SMG8: variants seen among roughly 807,000 people sequenced by gnomAD.
SMG8 encodes the protein SMG8 nonsense mediated mRNA decay factor, also known as nonsense-mediated mRNA decay factor SMG8.
SMG8 carries 49 observed loss-of-function variants against 82.1 expected under a neutral mutation model. The observed-to-expected ratio is 0.60, with a 90% CI of 0.47 to 0.76. The LOEUF (loss-of-function observed/expected upper bound fraction) is 0.76, where lower values mean the gene tolerates loss of function less well. SMG8 is among the 30% of genes least tolerant of loss of function. The probability of loss-of-function intolerance (pLI) is 0.00; values close to 1 mark genes in which losing one functional copy is unlikely to be tolerated. For missense variants in SMG8, 969 were observed against 1,166.4 expected (o/e 0.83, Z 2.46); for synonymous variants, 404 against 430.0 (o/e 0.94, Z 0.75).
chr17:59,210,126 G>A lies in SMG8; in HGVS notation c.75G>A (p.Gly25=). 6.3e-7 allele frequency: 1 copy of A among 1,584,952 alleles called. No individual in the cohort carries two copies. The highest frequency in any genetic ancestry group is 8.6e-7 in the Non-Finnish European group (1 of 1,167,782). ...SAWMGSESPG[G]SPTEGGGSAA... ...GGATGGGCTCTGAAAGTCCCGGAGG[G>A]TCCCCTACTGAGGGCGGAGGGAGCG... is the stretch of plus-strand genomic sequence containing the variant. Residue 25 remains glycine, a synonymous_variant, in exon 1 of 4, where the codon GGG becomes GGA. Transcript: ENST00000300917.
chr17:59,213,198 C>G lies in SMG8; in HGVS notation c.2375C>G (p.Thr792Arg). 6.2e-7 allele frequency: 1 copy of G among 1,614,172 alleles called. No individual in the cohort carries two copies. The highest frequency in any genetic ancestry group is 8.5e-7 in the Non-Finnish European group (1 of 1,180,046). The stretch of plus-strand genomic sequence containing the variant: ...GACCAACAGGGCTTTATTCCAGGAA[C>G]AAATTATCTTATGCCTTGGGACATT... ...GLDQQGFIPG[T>R]NYLMPWDIVI... The change falls in exon 3 of 4, where the codon ACA becomes AGA. Residue 792 changes from threonine (T) to arginine (R), a missense_variant. Transcript: ENST00000300917.
chr17:59,212,541 C>G, intron 2 of SMG8, 55 bp downstream of exon 2: 2 of 1,565,240 alleles, frequency 1.3e-6, no homozygotes, highest in Non-Finnish European at 1.7e-6. Flanking sequence ...TAAATATCAT[C>G]TGAGTAAAAA....
chr17:59,212,701 A>C, intron 2 of SMG8, 28 bp from the exon 3 acceptor site: 1 of 1,556,466 alleles, frequency 6.4e-7, no homozygotes, highest in Non-Finnish European at 8.6e-7. Context: ...TGAAAAACTT[A>C]CTGGATTTTT....
intron 2 of SMG8, 35 bp downstream of exon 2, chr17:59,212,521 CT>C (rs1292332992): frequency 4.4e-6 from 7 of 1,578,332 alleles, no homozygotes; most frequent in African/African-American, 4.1e-5. Context: ...CCTCTTCTGT[CT>C]TTTTTTGTTA....
In SMG8 at chr17:59,211,492, A is replaced by G. The variant is rs769986244; in HGVS notation, c.1441A>G (p.Ser481Gly). ...AGAGCTAACATCTAAGATTTTAAGC[A>G]GTATTAAAGTCTTGGAAGGATTTTT... ...TGELTSKILSSIKVLEGFLDI... is the reference protein window; with the variant it reads ...TGELTSKILSGIKVLEGFLDI... Residue 481 changes from serine (S) to glycine (G), a missense_variant, in exon 1 of 4, where the codon AGT becomes GGT. Ser to Gly is a moderately conservative substitution (Grantham distance 56). Coordinates refer to ENST00000300917, the MANE Select transcript of SMG8 (RefSeq NM_018149.7). The G allele has an allele frequency of 1.2e-6, 2 of 1,613,404 alleles. No homozygotes were observed. The highest frequency in any genetic ancestry group is 2.2e-5 in the South Asian group (2 of 90,928).
At chr17:59,212,678 ATAT>A (rs1321289511) in intron 2 of SMG8, 48 bp from the exon 3 acceptor site, 2 of 1,530,670 alleles carry the variant, frequency 1.3e-6, no homozygotes, top group African/African-American at 2.8e-5. Flanking sequence ...AGAATGAAGA[ATAT>A]TATTTAAAAT....
Position 59,213,513 on chromosome 17 carries a change from G to A in SMG8, c.2690G>A (p.Gly897Asp), listed in dbSNP as rs2046954520. Residue 897 changes from glycine to aspartate, a missense_variant, in exon 3 of 4, where the codon GGT becomes GAT. By Grantham distance (94) the Gly-to-Asp change is moderately conservative. Coordinates refer to ENST00000300917, the MANE Select transcript of SMG8 (RefSeq NM_018149.7). ...MPLYILSSSQGRGLKPHYAQL... is the reference protein window; with the variant it reads ...MPLYILSSSQDRGLKPHYAQL... Reference sequence around the variant, plus strand: ...TTATATATTCTGTCATCCTCTCAAGGTAGAGGGCTGAAACCTCATTATGCT... The same window carrying A: ...TTATATATTCTGTCATCCTCTCAAGATAGAGGGCTGAAACCTCATTATGCT... The A allele has an allele frequency of 6.2e-7, 1 of 1,614,172 alleles. No homozygotes were observed. The highest frequency in any genetic ancestry group is 8.5e-7 in the Non-Finnish European group (1 of 1,180,038).
chr17:59,214,301 A>AG (rs2046957921), intron 3 of SMG8, among the ~76,000 whole-genome samples: 2 of 152,274 alleles, frequency 1.3e-5, no homozygotes, highest in East Asian at 1.9e-4. Context: ...GCAAAAAAAA[A>AG]AGTTCTGGGG....
At position 59,212,789 on chromosome 17, in the gene SMG8, A is replaced by C. The variant is rs1264482577; in HGVS notation, c.1966A>C (p.Ser656Arg). The change falls in exon 3 of 4, where the codon AGT becomes CGT. Residue 656 changes from serine (S) to arginine (R), a missense_variant. By Grantham distance (110) the Ser-to-Arg change is moderately radical. Coordinates refer to ENST00000300917, the MANE Select transcript of SMG8 (RefSeq NM_018149.7). ...TATCAATTTCCCAGTATTTGAACCA[A>C]GTACTCCAGATCCTGCTCCTGCTAA... The part of the protein sequence containing the change: ...DHINFPVFEP[S>R]TPDPAPAKNE... 1 of 1,613,908 alleles carries C rather than the reference A, an allele frequency of 6.2e-7. No individual in the cohort carries two copies. Among genetic ancestry groups the C allele is most frequent in the Non-Finnish European group, 8.5e-7 (1 of 1,179,996 alleles).
At position 59,210,798 on chromosome 17, in the gene SMG8, A is replaced by G; in HGVS notation, c.747A>G (p.Pro249=). 6.2e-7 allele frequency: 1 copy of G among 1,614,204 alleles called. No individual in the cohort carries two copies. The highest frequency in any genetic ancestry group is 8.5e-7 in the Non-Finnish European group (1 of 1,180,046). Residue 249 remains proline, a synonymous_variant, in exon 1 of 4, where the codon CCA becomes CCG. Coordinates refer to ENST00000300917, the MANE Select transcript of SMG8 (RefSeq NM_018149.7). ...PLLKTAIKDC[P]VGKDWKLNCR... ...TTAAAACAGCCATTAAGGATTGTCC[A>G]GTTGGCAAAGACTGGAAGCTAAACT...
chr17:59,211,944 C>T (rs1428185210), intron 1 of SMG8, 134 bp downstream of exon 1: 17 of 729,490 alleles, frequency 2.3e-5, no homozygotes, highest in South Asian at 2.1e-4. Flanking sequence ...ATCAGCTATA[C>T]GTTTTCTCTC....
intron 2 of SMG8, 76 bp from the exon 3 acceptor site, chr17:59,212,653 A>G (rs1238040042): frequency 5.3e-6 from 8 of 1,500,526 alleles, no homozygotes; most frequent in African/African-American, 4.2e-5. Flanking sequence ...TTACACATCA[A>G]TTATTGATCT....
rs747138599 is a variant in SMG8 at position 59,211,282 on chromosome 17, C to T, written c.1231C>T (p.Arg411Trp). The change falls in exon 1 of 4, where the codon CGG becomes TGG. Residue 411 changes from arginine (R) to tryptophan (W), a missense_variant. Arg to Trp is a moderately radical substitution (Grantham distance 101). Around this residue, in one of 3 missense-constraint regions of SMG8, gnomAD observed 662 missense variants for 884.8 expected, o/e 0.75. Transcript: ENST00000300917. ...AGGCCAGCTAGTGGATTTCACTCTT[C>T]GGGAATTCCTATGGCAGCATGTGGA... ...SSGQLVDFTL[R>W]EFLWQHVELV... is the part of the protein sequence containing the mutation. The T allele has an allele frequency of 1.9e-6, 3 of 1,613,906 alleles. No homozygotes were observed. The highest frequency in any genetic ancestry group is 1.1e-5 in the South Asian group (1 of 91,052).
In SMG8 at chr17:59,212,943, G is replaced by T. The variant is rs1255706272; in HGVS notation, c.2120G>T (p.Gly707Val). 6 of 1,614,098 alleles carry T rather than the reference G, an allele frequency of 3.7e-6. No individual in the cohort carries two copies. The highest frequency in any genetic ancestry group is 4.2e-6 in the Non-Finnish European group (5 of 1,180,024). ...LSLGQSTDSL[G>V]TYPADPQAGG... is the part of the protein sequence containing the mutation. The stretch of plus-strand genomic sequence containing the variant: ...TTGGGCCAATCCACAGATAGCTTAG[G>T]TACCTATCCAGCTGATCCACAAGCA... Residue 707 changes from glycine (G) to valine (V), a missense_variant, in exon 3 of 4, where the codon GGT (glycine) becomes GTT (valine). Physicochemically the swap from Gly to Val is moderately radical, Grantham distance 109 (BLOSUM62 -3). This residue lies in a region of SMG8 where 662 missense variants were observed against 884.8 expected (regional missense o/e 0.75). Transcript: ENST00000300917.
chr17:59,211,869 G>C, intron 1 of SMG8, 59 bp downstream of exon 1: 2 of 1,412,736 alleles, frequency 1.4e-6, no homozygotes, highest in Non-Finnish European at 1.9e-6. Flanking sequence ...TTTCATTCTT[G>C]TTTTAAGATA....
At chr17:59,213,722 C>A in intron 3 of SMG8, 121 bp downstream of exon 3, 1 of 1,311,488 alleles carries the variant, frequency 7.6e-7, no homozygotes, top group Non-Finnish European at 1.0e-6. Flanking sequence ...GGCAGTGGCT[C>A]ATGCTTGTAA....
chr17:59,211,503 C>G lies in SMG8; in HGVS notation c.1452C>G (p.Val484=), dbSNP rs577823504. The change falls in exon 1 of 4, where the codon GTC becomes GTG. Residue 484 remains valine (V), a synonymous_variant. Coordinates refer to ENST00000300917, the MANE Select transcript of SMG8 (RefSeq NM_018149.7). The stretch of plus-strand genomic sequence containing the variant: ...CTAAGATTTTAAGCAGTATTAAAGT[C>G]TTGGAAGGATTTTTGGATATTGACA... The part of the protein sequence containing the change: ...LTSKILSSIK[V]LEGFLDIDTK... The G allele has an allele frequency of 1.2e-6, 2 of 1,613,818 alleles. No homozygotes were observed. The highest frequency in any genetic ancestry group is 1.7e-6 in the Non-Finnish European group (2 of 1,179,962).
Position 59,210,735 on chromosome 17 carries a change from A to G in SMG8, c.684A>G (p.Arg228=), listed in dbSNP as rs1406601638. Residue 228 remains arginine (R), a synonymous_variant, in exon 1 of 4, where the codon AGA becomes AGG. Coordinates refer to ENST00000300917, the MANE Select transcript of SMG8 (RefSeq NM_018149.7). ...ATATCACTTATGATCGAGTATTCAGAGCCCTGGATGGGCTGAGACAGAAGG... is the reference window on the plus strand; with the variant it reads ...ATATCACTTATGATCGAGTATTCAGGGCCCTGGATGGGCTGAGACAGAAGG... ...SFDITYDRVF[R]ALDGLRQKVL... 4 of 1,614,006 alleles carry G rather than the reference A, an allele frequency of 2.5e-6. No homozygotes were observed. Among genetic ancestry groups the G allele is most frequent in the Non-Finnish European group, 8.5e-7 (1 of 1,179,976 alleles).
At position 59,210,788 on chromosome 17, in the gene SMG8, A is replaced by T; in HGVS notation, c.737A>T (p.Lys246Met). Residue 246 changes from lysine to methionine, a missense_variant, in exon 1 of 4, where the codon AAG becomes ATG. Around this residue, in one of 3 missense-constraint regions of SMG8, gnomAD observed 662 missense variants for 884.8 expected, o/e 0.75. Transcript: ENST00000300917. ...KVLPLLKTAI[K>M]DCPVGKDWKL... is the part of the protein sequence containing the mutation. ...CTGCCGCTCCTTAAAACAGCCATTAAGGATTGTCCAGTTGGCAAAGACTGG... is the reference window on the plus strand; with the variant it reads ...CTGCCGCTCCTTAAAACAGCCATTATGGATTGTCCAGTTGGCAAAGACTGG... 6.2e-7 allele frequency: 1 copy of T among 1,614,188 alleles called. No individual in the cohort carries two copies. Among genetic ancestry groups the T allele is most frequent in the African/African-American group, 1.3e-5 (1 of 75,054 alleles).
Sources: allele counts gnomAD v4.1 joint callset (sites outside exome capture counted in the v4.1 genomes callset), GRCh38; gene constraint gnomAD v4.1.1; regional missense constraint gnomAD v4.1.1; transcripts MANE v1.5; gene names NCBI Gene and HGNC (gene_info 2026-07-23, HGNC 2026-07-21).